Variants in ECSIT observed in about 807,000 individuals in gnomAD.
ECSIT encodes evolutionarily conserved signaling intermediate in Toll pathway, mitochondrial.
ECSIT carries 29 observed loss-of-function variants against 36.8 expected under a neutral mutation model. The ratio of observed to expected loss-of-function variants is 0.79; its 90% confidence interval spans 0.59 to 1.08. The LOEUF (loss-of-function observed/expected upper bound fraction) is 1.08. Among genes scored for constraint, ECSIT ranks in the 50% least tolerant of loss-of-function variants. The probability of loss-of-function intolerance (pLI) is 0.00; values close to 1 mark genes in which losing one functional copy is unlikely to be tolerated. For synonymous variants in ECSIT, 231 were observed against 234.8 expected, an observed-to-expected ratio of 0.98 and a Z score of 0.15; for missense variants, 542 against 581.0, an observed-to-expected ratio of 0.93 and a Z score of 0.69.
intron 7 of ECSIT, among the ~76,000 whole-genome samples, chr19:11,506,692 G>T (rs1325099996): frequency 6.6e-6 from 1 of 152,054 alleles, no homozygotes; most frequent in Non-Finnish European, 1.5e-5. Flanking sequence ...ACAGCACCAC[G>T]CCGGGCTAAT....
At chr19:11,514,343 G>C (rs1045207050) in intron 2 of ECSIT, 122 bp from the exon 3 acceptor site, 1 of 950,494 alleles carries the variant, frequency 1.1e-6, no homozygotes, top group African/African-American at 1.7e-5. Context: ...GTATGGAACT[G>C]TGGTTACAAA....
chr19:11,505,993 G>A lies in ECSIT; in HGVS notation c.*191C>T, dbSNP rs990045841. 4 of 1,053,740 alleles carry A rather than the reference G, an allele frequency of 3.8e-6. No homozygotes were observed. In the African/African-American group the frequency reaches 4.8e-5, roughly 13 times the overall value. The allele number at this position is 1,053,740 out of a possible 1,614,324, so 65.3% of individuals were successfully genotyped here. ...ATTCGGAGAACCAGAGGCGCCTGCA[G>A]ATTCTGGAGGGGTCTCGCCTGCCCA... On this transcript the variant is annotated 3_prime_UTR_variant, in exon 8 of 8. Coordinates refer to ENST00000270517, the MANE Select transcript of ECSIT (RefSeq NM_016581.5).
Position 11,514,238 on chromosome 19 carries a change from ACTGCTGGAAT to A in ECSIT, c.97-27_97-18del. 6.3e-7 allele frequency: 1 copy of A among 1,587,184 alleles called. No homozygotes were observed. On this transcript the variant is annotated intron_variant, in intron 2 of 7. Transcript: ENST00000270517. Reference sequence around the variant, plus strand: ...GCGAGGGACCTGGGGAGGGAGGAGAACTGCTGGAATCTGGCACCTCTCAGTGTCTATGGGG... The same window carrying A: ...GCGAGGGACCTGGGGAGGGAGGAGAACTGGCACCTCTCAGTGTCTATGGGG...
chr19:11,525,515 A>G (rs772210175), intron 1 of ECSIT: 1 of 152,102 alleles, frequency 6.6e-6, no homozygotes, highest in African/African-American at 2.4e-5. Context: ...CTGACTCAAA[A>G]CAAAAAAACA....
chr19:11,508,179 A>G (rs943161659), intron 4 of ECSIT, 131 bp from the exon 5 acceptor site: 4 of 1,055,462 alleles, frequency 3.8e-6, no homozygotes, highest in East Asian at 4.8e-5. Flanking sequence ...CGGCCCTCCA[A>G]CCTGTCCCCT....
rs757962943 is a variant in ECSIT, at chr19:11,513,055, C to T, written c.738+1G>A. ...CTGACGCTGTAGACAAGGGCGGATA[C>T]CTGGTAGATGGTGACCCTGGCACTA... On this transcript the variant is annotated splice_donor_variant, in intron 4 of 7. Transcript: ENST00000270517. LOFTEE classifies it high-confidence loss of function. 1 of 1,613,706 alleles carries T rather than the reference C, an allele frequency of 6.2e-7. No individual in the cohort carries two copies. Among genetic ancestry groups the T allele is most frequent in the Non-Finnish European group, 8.5e-7 (1 of 1,179,974 alleles).
chr19:11,522,322 A>G (rs1466213599), intron 1 of ECSIT: 22 of 708,856 alleles, frequency 3.1e-5, no homozygotes, highest in Non-Finnish European at 4.6e-5. Flanking sequence ...CCGGTACCCC[A>G]CCTGGACCCA....
intron 7 of ECSIT, among the ~76,000 whole-genome samples, chr19:11,506,672 T>C (rs1421863065): frequency 6.6e-6 from 1 of 151,828 alleles, no homozygotes; most frequent in Non-Finnish European, 1.5e-5. Flanking sequence ...GGAGCTGGGA[T>C]TACAGGTGCA....
intron 2 of ECSIT, among the ~76,000 whole-genome samples, chr19:11,517,098 G>T (rs951301306): frequency 5.9e-5 from 9 of 151,994 alleles, no homozygotes; most frequent in African/African-American, 1.7e-4. Context: ...GGCCCTAGGT[G>T]GGGGGTACTC....
At chr19:11,525,693 G>T (rs1042882483) in intron 1 of ECSIT, 1 of 150,986 alleles carries the variant, frequency 6.6e-6, no homozygotes, top group Admixed American at 6.6e-5. Context: ...CCTGAGGTCG[G>T]GAGTTCGAGA....
In ECSIT at chr19:11,513,125, A is replaced by G; in HGVS notation, c.669T>C (p.Pro223=). 2 of 1,614,218 alleles carry G rather than the reference A, an allele frequency of 1.2e-6. No individual in the cohort carries two copies. Among genetic ancestry groups the G allele is most frequent in the Non-Finnish European group, 1.7e-6 (2 of 1,180,042 alleles). The change falls in exon 4 of 8, where the codon CCT becomes CCC. Residue 223 remains proline (P), a synonymous_variant. Transcript: ENST00000270517. ...FPVPRDLPQD[P]VELAMFGLRH... ...GCAGGCCAAACATGGCCAGCTCCAC[A>G]GGGTCCTGGGGCAGGTCCCGGGGCA...
At chr19:11,507,370 G>A in intron 7 of ECSIT, 87 bp downstream of exon 7, 3 of 1,076,968 alleles carry the variant, frequency 2.8e-6, no homozygotes, top group Non-Finnish European at 4.3e-6. Context: ...TCAACTCCTG[G>A]GCTCAAGTGA....
At chr19:11,525,742 CAAAAAAAAA>C (rs61614904) in intron 1 of ECSIT, 1 of 121,986 alleles carries the variant, frequency 8.2e-6, no homozygotes, top group African/African-American at 2.8e-5. Context: ...TCTCTACTAA[CAAAAAAAAA>C]AAAAAAAAAA....
intron 2 of ECSIT, 47 bp from the exon 3 acceptor site, chr19:11,514,268 A>G (rs369782305): frequency 9.7e-5 from 147 of 1,520,252 alleles, no homozygotes; most frequent in Middle Eastern, 2.4e-4. Flanking sequence ...CTCAGTGTCT[A>G]TGGGGGGCCG....
intron 2 of ECSIT, chr19:11,516,053 G>A (rs1414515902): frequency 1.3e-5 from 2 of 152,198 alleles, no homozygotes; most frequent in Non-Finnish European, 1.5e-5. Context: ...TTTAAGAGAT[G>A]GAGTCTAGCT....
intron 2 of ECSIT, among the ~76,000 whole-genome samples, chr19:11,516,730 ATAT>A (rs2144986278): frequency 6.6e-6 from 1 of 152,014 alleles, no homozygotes; most frequent in South Asian, 2.1e-4. Context: ...GTAAGAGCCA[ATAT>A]TAGTCCAGGC....
At chr19:11,509,129 G>A (rs1464644034) in intron 4 of ECSIT, among the ~76,000 whole-genome samples, 2 of 148,174 alleles carry the variant, frequency 1.3e-5, no homozygotes, top group Non-Finnish European at 3.0e-5. Context: ...GGAGTGCAAT[G>A]GGGCTTGATC....
chr19:11,510,015 A>G (rs2144970325), intron 4 of ECSIT, among the ~76,000 whole-genome samples: 1 of 151,890 alleles, frequency 6.6e-6, no homozygotes, highest in Admixed American at 6.6e-5. Flanking sequence ...GATTACAGGC[A>G]TGCACCACCA....
Position 11,506,110 on chromosome 19 carries a change from C to T in ECSIT, c.*74G>A, listed in dbSNP as rs1599572888. On this transcript the variant is annotated 3_prime_UTR_variant, in exon 8 of 8. Transcript: ENST00000270517. The stretch of plus-strand genomic sequence containing the variant: ...AGCAGGAAAACATTGATTTGCTGTA[C>T]ACTCAAAGGGCATCTCATGCCTTCA... The T allele has an allele frequency of 3.2e-6, 5 of 1,565,504 alleles. No individual in the cohort carries two copies. The East Asian group carries it at 1.1e-4, about 35-fold the overall frequency.
Sources: allele counts gnomAD v4.1 joint callset (sites outside exome capture counted in the v4.1 genomes callset), GRCh38; gene constraint gnomAD v4.1.1; transcripts MANE v1.5; gene names NCBI Gene and HGNC (gene_info 2026-07-23, HGNC 2026-07-21).